Variants in PLEKHG7 observed in about 807,000 individuals in gnomAD.
PLEKHG7 encodes the protein pleckstrin homology domain-containing family G member 7.
PLEKHG7 carries 77 observed loss-of-function variants against 85.2 expected under a neutral mutation model. The ratio of observed to expected loss-of-function variants is 0.90; its 90% CI spans 0.75 to 1.09. PLEKHG7 has a LOEUF of 1.09. Among genes scored for constraint, PLEKHG7 ranks in the 50% least tolerant of loss-of-function variants. The probability of loss-of-function intolerance (pLI) is 0.00; values close to 1 mark genes in which losing one functional copy is unlikely to be tolerated. For missense variants in PLEKHG7, 777 were observed against 804.3 expected, an observed-to-expected ratio of 0.97 and a Z score of 0.41; for synonymous variants, 301 against 302.4, an observed-to-expected ratio of 1.00 and a Z score of 0.05.
At chr12:92,765,820 T>C (rs1873179285) in intron 15 of PLEKHG7, among the ~76,000 whole-genome samples, 1 of 152,096 alleles carries the variant, frequency 6.6e-6, no homozygotes, top group Admixed American at 6.5e-5. Flanking sequence ...GTAAAAATTT[T>C]AATGCCTTAC....
chr12:92,727,210 G>A (rs958273354), intron 3 of PLEKHG7, among the ~76,000 whole-genome samples: 2 of 152,156 alleles, frequency 1.3e-5, no homozygotes, highest in African/African-American at 4.8e-5. Context: ...ACCAGAGGTG[G>A]TCTGAACCAT....
chr12:92,708,822 G>A (rs752758796), intron 3 of PLEKHG7, among the ~76,000 whole-genome samples: 30 of 152,334 alleles, frequency 2.0e-4, no homozygotes, highest in Middle Eastern at 6.8e-3. Context: ...TGAACTCAGC[G>A]TCAGGGAATT....
At chr12:92,727,927 G>GGTGTGTGTGTGTGTGT (rs540230230) in intron 3 of PLEKHG7, among the ~76,000 whole-genome samples, 2 of 84,980 alleles carry the variant, frequency 2.4e-5, no homozygotes, top group African/African-American at 8.7e-5. Flanking sequence ...GGTATTCTAT[G>GGTGTGTGTGTGTGTGT]GTGTGTGTGT....
At chr12:92,752,086 AG>A (rs1440636020) in intron 10 of PLEKHG7, among the ~76,000 whole-genome samples, 1 of 151,916 alleles carries the variant, frequency 6.6e-6, no homozygotes, top group Non-Finnish European at 1.5e-5. Flanking sequence ...CACCCCACCA[AG>A]GACATGGTCA....
At position 92,755,896 on chromosome 12, in the gene PLEKHG7, T is replaced by A. The variant is rs1475336034; in HGVS notation, c.1498T>A (p.Trp500Arg). 3.1e-6 allele frequency: 5 copies of A among 1,613,516 alleles called. No individual in the cohort carries two copies. The highest frequency in any genetic ancestry group is 3.4e-6 in the Non-Finnish European group (4 of 1,179,768). ...TAGATATCTACAGGAGATTATAGTG[T>A]GGCCACCGCTTTGGGATAGAGATAA... ...KFRYLQEIIVWPPLWDRDKRF... is the reference protein window; with the variant it reads ...KFRYLQEIIVRPPLWDRDKRF... Residue 500 changes from tryptophan to arginine, a missense_variant, in exon 12 of 17, where the codon TGG becomes AGG. Physicochemically the swap from Trp to Arg is moderately radical, Grantham distance 101. Coordinates refer to ENST00000344636, the MANE Select transcript of PLEKHG7 (RefSeq NM_001377329.1).
intron 9 of PLEKHG7, among the ~76,000 whole-genome samples, chr12:92,744,840 TA>T (rs974907157): frequency 6.6e-6 from 1 of 152,006 alleles, no homozygotes; most frequent in Non-Finnish European, 1.5e-5. Flanking sequence ...TAATTTTTTG[TA>T]TTTTTTATTA....
Position 92,770,098 on chromosome 12 carries a change from T to C in PLEKHG7, c.1979T>C (p.Met660Thr). Reference protein sequence around the residue: ...AQTENIKKTWMAQITTAISCF... With the variant: ...AQTENIKKTWTAQITTAISCF... ...TCTTTTTTTCAACAGAAAACATGGA[T>C]GGCACAAATAACAACTGCAATTTCT... The change falls in exon 17 of 17, where the codon ATG becomes ACG. Residue 660 changes from methionine to threonine, a missense_variant. Transcript: ENST00000344636. 5.0e-6 allele frequency: 8 copies of C among 1,591,548 alleles called. No individual in the cohort carries two copies. The highest frequency in any genetic ancestry group is 6.8e-6 in the Non-Finnish European group (8 of 1,171,280).
chr12:92,752,349 G>T lies in PLEKHG7; in HGVS notation c.1252-1741G>T, dbSNP rs187491797. 5.4e-4 allele frequency among the ~76,000 whole-genome samples: 82 copies of T among 152,236 alleles called. 1 individual carries two copies. Among genetic ancestry groups the T allele is most frequent in the African/African-American group, 1.9e-3 (79 of 41,536 alleles). On this transcript the variant is annotated intron_variant, in intron 10 of 16. Transcript: ENST00000344636. ...CAGAAACTAACATAGGAAACCAAGG[G>T]GATATGTTTGTTCCATGTTGTTCAG...
At chr12:92,718,965 G>A (rs914133080) in intron 3 of PLEKHG7, among the ~76,000 whole-genome samples, 4 of 152,168 alleles carry the variant, frequency 2.6e-5, no homozygotes, top group Admixed American at 1.3e-4. Context: ...TAGGGTACAA[G>A]TCTTCCATTT....
At chr12:92,763,972 G>A in intron 14 of PLEKHG7, 69 bp from the exon 15 acceptor site, 1 of 1,353,544 alleles carries the variant, frequency 7.4e-7, no homozygotes, top group Non-Finnish European at 1.0e-6. Context: ...TTTGCTTACA[G>A]ATGCACTTTA....
intron 3 of PLEKHG7, chr12:92,708,528 T>TA (rs1871305220): frequency 6.6e-6 from 1 of 152,202 alleles, no homozygotes; most frequent in Non-Finnish European, 1.5e-5. Flanking sequence ...TGTTGCTAGA[T>TA]AAAAAACCAC....
intron 14 of PLEKHG7, among the ~76,000 whole-genome samples, 181 bp downstream of exon 14, chr12:92,762,012 A>C (rs985615272): frequency 3.9e-5 from 6 of 151,972 alleles, no homozygotes; most frequent in Middle Eastern, 6.8e-3. Context: ...GTAAATAAAT[A>C]AATAAATAAA....
At chr12:92,715,705 G>T (rs1268492410) in intron 3 of PLEKHG7, among the ~76,000 whole-genome samples, 1 of 127,806 alleles carries the variant, frequency 7.8e-6, no homozygotes, top group Non-Finnish European at 1.6e-5. Context: ...TAAGAGCAAG[G>T]GTTCTTGCCT....
chr12:92,711,413 T>C (rs1169504945), intron 3 of PLEKHG7, among the ~76,000 whole-genome samples: 1 of 152,156 alleles, frequency 6.6e-6, no homozygotes, highest in African/African-American at 2.4e-5. Flanking sequence ...TATAACCTAC[T>C]TGTGCCTTCA....
intron 3 of PLEKHG7, chr12:92,721,331 A>G: frequency 1.7e-6 from 1 of 586,518 alleles, no homozygotes. Context: ...CGGCCTGCTC[A>G]GCAGTGGGGT....
At chr12:92,764,989 G>A (rs1873149050) in intron 15 of PLEKHG7, among the ~76,000 whole-genome samples, 1 of 152,084 alleles carries the variant, frequency 6.6e-6, no homozygotes, top group Non-Finnish European at 1.5e-5. Context: ...GGTGGGGACT[G>A]ACTTCCTGTC....
At chr12:92,759,308 C>A (rs534362095) in intron 13 of PLEKHG7, among the ~76,000 whole-genome samples, 7 of 152,236 alleles carry the variant, frequency 4.6e-5, no homozygotes, top group African/African-American at 1.7e-4. Context: ...GTGCTCCCTG[C>A]CTGTTTGTCA....
intron 3 of PLEKHG7, chr12:92,721,494 T>C (rs1231291148): frequency 8.1e-7 from 1 of 1,230,522 alleles, no homozygotes; most frequent in Non-Finnish European, 1.0e-6. Flanking sequence ...TCCCTTCGGA[T>C]CTGACCAGCT....
At chr12:92,767,562 G>A (rs949154974) in intron 15 of PLEKHG7, among the ~76,000 whole-genome samples, 2 of 152,016 alleles carry the variant, frequency 1.3e-5, no homozygotes, top group Admixed American at 6.6e-5. Context: ...AGAGAAGCTG[G>A]ACAGAATTTT....
Sources: gnomAD v4.1 joint callset for allele counts (sites outside exome capture counted in the v4.1 genomes callset) on GRCh38, gnomAD v4.1.1 for gene constraint, MANE v1.5 for transcripts, NCBI Gene and HGNC (gene_info 2026-07-23, HGNC 2026-07-21) for gene names.